PRKCH: variants seen among roughly 807,000 people sequenced by gnomAD.
PRKCH encodes protein kinase C eta, also known as protein kinase C eta type.
In PRKCH, 28 loss-of-function variants were observed where a neutral mutation model predicts 82.5. That is an observed-to-expected ratio of 0.34 (90% CI 0.25 to 0.47). The LOEUF (loss-of-function observed/expected upper bound fraction) is 0.47. PRKCH is among the 20% of genes least tolerant of loss of function. The probability of loss-of-function intolerance (pLI) is 1.00; values close to 1 mark genes in which losing one functional copy is unlikely to be tolerated. For missense variants in PRKCH, 705 were observed against 881.8 expected, an observed-to-expected ratio of 0.80 and a Z score of 2.54; for synonymous variants, 322 against 327.4, an observed-to-expected ratio of 0.98 and a Z score of 0.18.
chr14:61,276,782 G>C (rs1041303187), intron 1 of PRKCH, among the ~76,000 whole-genome samples: 4 of 152,130 alleles, frequency 2.6e-5, no homozygotes, highest in Non-Finnish European at 5.9e-5. Flanking sequence ...CCTATGACAG[G>C]AAGACGGCAA....
intron 1 of PRKCH, among the ~76,000 whole-genome samples, chr14:61,259,077 GATGTCTTCTA>G (rs1401938890): frequency 6.6e-6 from 1 of 152,172 alleles, no homozygotes; most frequent in Non-Finnish European, 1.5e-5. Flanking sequence ...TTGTCACTGT[GATGTCTTCTA>G]ATGCACTATA....
chr14:61,376,999 A>T (rs2046435598), intron 1 of PRKCH, among the ~76,000 whole-genome samples: 1 of 152,148 alleles, frequency 6.6e-6, no homozygotes, highest in South Asian at 2.1e-4. Flanking sequence ...GGGGATATAG[A>T]TTGTCTTTAG....
At chr14:61,434,808 C>T (rs955114369) in intron 2 of PRKCH, among the ~76,000 whole-genome samples, 1 of 152,058 alleles carries the variant, frequency 6.6e-6, no homozygotes, top group African/African-American at 2.4e-5. Flanking sequence ...ATCACCTGAG[C>T]CCAGGAGTTT....
chr14:61,330,477 G>A (rs992570725), intron 1 of PRKCH, among the ~76,000 whole-genome samples: 3 of 152,180 alleles, frequency 2.0e-5, no homozygotes, highest in Non-Finnish European at 2.9e-5. Flanking sequence ...CTCCACAAAG[G>A]CAGAAAGTAG....
upstream of PRKCH, among the ~76,000 whole-genome samples, chr14:61,319,685 G>A (rs576871104): frequency 6.6e-6 from 1 of 152,314 alleles, no homozygotes; most frequent in African/African-American, 2.4e-5. Context: ...GAGTTCAGCT[G>A]TTTGGAGGAA....
chr14:61,413,159 T>G (rs151090237), intron 2 of PRKCH, among the ~76,000 whole-genome samples: 190 of 152,280 alleles, frequency 1.2e-3, no homozygotes, highest in African/African-American at 4.4e-3. Context: ...CACCACCAAC[T>G]TTCTACTCAG....
At chr14:61,289,182 T>C (rs766282160) in intron 1 of PRKCH, among the ~76,000 whole-genome samples, 1 of 152,176 alleles carries the variant, frequency 6.6e-6, no homozygotes, top group African/African-American at 2.4e-5. Context: ...GTGAGCAAAT[T>C]CCTTAATAAG....
chr14:61,267,849 A>C (rs988773324), intron 1 of PRKCH, among the ~76,000 whole-genome samples: 1 of 152,238 alleles, frequency 6.6e-6, no homozygotes, highest in Non-Finnish European at 1.5e-5. Flanking sequence ...ACTAAGAAAA[A>C]AAATGCTGCC....
At chr14:61,514,446 C>T (rs1566923194) in intron 10 of PRKCH, among the ~76,000 whole-genome samples, 2 of 151,964 alleles carry the variant, frequency 1.3e-5, no homozygotes, top group Admixed American at 6.6e-5. Flanking sequence ...GAAGGATTGA[C>T]GCCTGGTCTG....
At chr14:61,243,167 G>A (rs888789537) in intron 1 of PRKCH, among the ~76,000 whole-genome samples, 8 of 151,948 alleles carry the variant, frequency 5.3e-5, no homozygotes, top group Admixed American at 2.6e-4. Context: ...GGTCAAGGTG[G>A]GTGAATCACT....
intron 1 of PRKCH, among the ~76,000 whole-genome samples, chr14:61,200,373 TTAAG>T (rs1013851378): frequency 1.3e-5 from 2 of 149,082 alleles, no homozygotes; most frequent in Admixed American, 6.8e-5. Flanking sequence ...ATGCTACTGT[TTAAG>T]TGAGTGAGTG....
Position 61,485,531 on chromosome 14 carries a change from G to T in PRKCH, c.1308G>T (p.Val436=). 13 of 1,614,166 alleles carry T rather than the reference G, an allele frequency of 8.1e-6. No homozygotes were observed. Among genetic ancestry groups the T allele is most frequent in the Non-Finnish European group, 1.0e-5 (12 of 1,180,020 alleles). ...PDRLFFVMEF[V]NGGDLMFHIQ... ...GTCTGTTTTTTGTGATGGAGTTTGTGAATGGGGGTGACTTGATGTTCCACA... is the reference window on the plus strand; with the variant it reads ...GTCTGTTTTTTGTGATGGAGTTTGTTAATGGGGGTGACTTGATGTTCCACA... The change falls in exon 10 of 14, where the codon GTG becomes GTT. Residue 436 remains valine, a synonymous_variant. Transcript: ENST00000332981.
chr14:61,497,440 C>A (rs1450405618), intron 10 of PRKCH, among the ~76,000 whole-genome samples: 1 of 152,186 alleles, frequency 6.6e-6, no homozygotes, highest in Non-Finnish European at 1.5e-5. Context: ...ATTCTGTTTG[C>A]TACCACTTTT....
intron 1 of PRKCH, among the ~76,000 whole-genome samples, chr14:61,195,426 T>C (rs2044433701): frequency 2.0e-5 from 3 of 152,204 alleles, no homozygotes; most frequent in African/African-American, 2.4e-5. Context: ...TATCACATGT[T>C]AGGTTTTGAA....
intron 2 of PRKCH, among the ~76,000 whole-genome samples, chr14:61,428,038 TATATATAG>T (rs1458148972): frequency 1.6e-3 from 48 of 29,986 alleles, no homozygotes; most frequent in East Asian, 0.012. Context: ...CACAAATATA[TATATATAG>T]ATAGATAGAT....
chr14:61,365,674 C>T (rs1437212197), intron 1 of PRKCH, among the ~76,000 whole-genome samples: 2 of 151,850 alleles, frequency 1.3e-5, no homozygotes, highest in African/African-American at 4.8e-5. Flanking sequence ...TGAGAAAAAA[C>T]GTTAAAACAT....
intron 1 of PRKCH, among the ~76,000 whole-genome samples, chr14:61,384,260 A>T (rs2046553811): frequency 6.6e-6 from 1 of 152,130 alleles, no homozygotes. Flanking sequence ...GAAACATGGG[A>T]TTGGAGCCCT....
At position 61,322,078 on chromosome 14, in the gene PRKCH, C is replaced by G. The variant is rs1311392435; in HGVS notation, c.-24C>G. On this transcript the variant is annotated 5_prime_UTR_variant, in exon 1 of 14. Coordinates refer to ENST00000332981, the MANE Select transcript of PRKCH (RefSeq NM_006255.5). ...CCCGCTGCGAAGCAGCGCGGCCCCC[C>G]GGGGCCGGGGCAGCGGCGCCGGCAT... 4 of 1,518,384 alleles carry G rather than the reference C, an allele frequency of 2.6e-6. No individual in the cohort carries two copies. Among genetic ancestry groups the G allele is most frequent in the Non-Finnish European group, 3.5e-6 (4 of 1,127,134 alleles). The allele number at this position is 1,518,384 out of a possible 1,614,324, so 94.1% of individuals were successfully genotyped here.
intron 12 of PRKCH, 69 bp from the exon 13 acceptor site, chr14:61,547,674 G>T: frequency 6.5e-7 from 1 of 1,547,382 alleles, no homozygotes. Context: ...CATGGCTGAT[G>T]CCTGCTGTCT....
Sources: gnomAD v4.1 joint callset for allele counts (sites outside exome capture counted in the v4.1 genomes callset) on GRCh38, gnomAD v4.1.1 for gene constraint, MANE v1.5 for transcripts, NCBI Gene and HGNC (gene_info 2026-07-23, HGNC 2026-07-21) for gene names.